REC114: variants seen among roughly 807,000 people sequenced by gnomAD.
The protein encoded by REC114 is REC114 meiotic recombination protein, also known as meiotic recombination protein REC114.
A neutral mutation model predicts 31.3 loss-of-function variants in REC114; 27 were observed. That is an observed-to-expected ratio of 0.86 (90% CI 0.64 to 1.19). The LOEUF (loss-of-function observed/expected upper bound fraction) is 1.19, where lower values mean the gene tolerates loss of function less well. Among genes scored for constraint, REC114 ranks in the 50% most tolerant of loss-of-function variants. The probability of loss-of-function intolerance (pLI) is 0.00; values close to 1 mark genes in which losing one functional copy is unlikely to be tolerated. For synonymous variants in REC114, 134 were observed against 127.7 expected, an observed-to-expected ratio of 1.05 and a Z score of -0.33; for missense variants, 344 against 326.9, an observed-to-expected ratio of 1.05 and a Z score of -0.40.
intron 2 of REC114, among the ~76,000 whole-genome samples, chr15:73,491,496 T>A (rs565473054): frequency 4.6e-5 from 7 of 152,336 alleles, no homozygotes; most frequent in African/African-American, 1.7e-4. Context: ...TTGTGTATTA[T>A]CTTAATTTCT....
intron 2 of REC114, among the ~76,000 whole-genome samples, chr15:73,531,115 T>C (rs1894075240): frequency 6.6e-6 from 1 of 152,220 alleles, no homozygotes; most frequent in Non-Finnish European, 1.5e-5. Flanking sequence ...CTAATTTACC[T>C]AGCTAAATGC....
intron 2 of REC114, among the ~76,000 whole-genome samples, chr15:73,500,944 T>C (rs938921045): frequency 6.6e-6 from 1 of 152,060 alleles, no homozygotes; most frequent in Non-Finnish European, 1.5e-5. Flanking sequence ...GTGTCAGGTG[T>C]CCCCATGGTC....
intron 1 of REC114, among the ~76,000 whole-genome samples, chr15:73,465,411 C>G (rs1893043584): frequency 6.6e-6 from 1 of 152,276 alleles, no homozygotes; most frequent in East Asian, 1.9e-4. Flanking sequence ...GAATTCTCCT[C>G]CCCCAGCTAC....
At chr15:73,479,300 T>G (rs943683662) in intron 2 of REC114, among the ~76,000 whole-genome samples, 1 of 149,782 alleles carries the variant, frequency 6.7e-6, no homozygotes, top group African/African-American at 2.4e-5. Context: ...TTTATCTATT[T>G]TTAAATAAAA....
chr15:73,460,510 G>A (rs147347829), intron 1 of REC114, among the ~76,000 whole-genome samples: 1 of 152,120 alleles, frequency 6.6e-6, no homozygotes, highest in East Asian at 1.9e-4. Flanking sequence ...ATAAAGTAAG[G>A]TGTTTCCTTA....
At chr15:73,494,334 A>G (rs191437378) in intron 2 of REC114, among the ~76,000 whole-genome samples, 8 of 152,060 alleles carry the variant, frequency 5.3e-5, no homozygotes, top group Admixed American at 5.2e-4. Flanking sequence ...TCTACTAATA[A>G]TACAAAAATT....
intron 2 of REC114, among the ~76,000 whole-genome samples, chr15:73,513,766 G>T (rs1411641874): frequency 6.6e-6 from 1 of 151,244 alleles, no homozygotes; most frequent in East Asian, 1.9e-4. Flanking sequence ...CGGGGGTCAG[G>T]GGTCAGGGAC....
At chr15:73,473,748 A>G in intron 1 of REC114, 84 bp from the exon 2 acceptor site, 1 of 738,644 alleles carries the variant, frequency 1.4e-6, no homozygotes, top group South Asian at 1.9e-5. Context: ...CAATATGAGA[A>G]AACACTTGGT....
chr15:73,450,785 C>T (rs180876925), intron 1 of REC114, among the ~76,000 whole-genome samples: 14 of 152,264 alleles, frequency 9.2e-5, no homozygotes, highest in Non-Finnish European at 1.9e-4. Context: ...AACAAACAAT[C>T]TCTCAGTCCA....
intron 2 of REC114, among the ~76,000 whole-genome samples, chr15:73,485,307 C>T (rs920654180): frequency 2.6e-5 from 4 of 152,176 alleles, no homozygotes; most frequent in Non-Finnish European, 4.4e-5. Flanking sequence ...TGGTCTCGAT[C>T]TCTTGACCTC....
At chr15:73,547,543 G>T (rs2141333747) in intron 3 of REC114, among the ~76,000 whole-genome samples, 1 of 152,274 alleles carries the variant, frequency 6.6e-6, no homozygotes, top group South Asian at 2.1e-4. Flanking sequence ...ACTACTGCTG[G>T]ATATGTACCC....
chr15:73,522,259 T>G (rs1160087874), intron 2 of REC114, among the ~76,000 whole-genome samples: 1 of 152,200 alleles, frequency 6.6e-6, no homozygotes, highest in African/African-American at 2.4e-5. Flanking sequence ...ACTACCTGCT[T>G]CTTTACTCAG....
intron 2 of REC114, among the ~76,000 whole-genome samples, chr15:73,533,514 C>T (rs1288524971): frequency 3.2e-4 from 48 of 151,646 alleles, no homozygotes; most frequent in Non-Finnish European, 4.9e-4. Context: ...GCACCCAATA[C>T]AGGAGCACCC....
intron 2 of REC114, among the ~76,000 whole-genome samples, chr15:73,515,058 C>A (rs1893839143): frequency 6.6e-6 from 1 of 151,812 alleles, no homozygotes; most frequent in Non-Finnish European, 1.5e-5. Context: ...TCCTGCCTCA[C>A]CTTACAGAGT....
intron 1 of REC114, among the ~76,000 whole-genome samples, chr15:73,453,542 A>G (rs1892879795): frequency 6.6e-6 from 1 of 152,208 alleles, no homozygotes; most frequent in South Asian, 2.1e-4. Flanking sequence ...TAGTTCAACC[A>G]TTGTGGAAGA....
chr15:73,467,463 C>T (rs961697702), intron 1 of REC114, among the ~76,000 whole-genome samples: 1 of 152,200 alleles, frequency 6.6e-6, no homozygotes, highest in Non-Finnish European at 1.5e-5. Context: ...TTCACACTTG[C>T]TCCATTAGGA....
At chr15:73,557,986 T>C (rs557685322) in intron 5 of REC114, among the ~76,000 whole-genome samples, 1 of 152,346 alleles carries the variant, frequency 6.6e-6, no homozygotes, top group East Asian at 1.9e-4. Context: ...AACATAAATG[T>C]TCATTTAATA....
At chr15:73,507,114 G>A (rs1249629229) in intron 2 of REC114, among the ~76,000 whole-genome samples, 2 of 152,116 alleles carry the variant, frequency 1.3e-5, no homozygotes, top group African/African-American at 4.8e-5. Flanking sequence ...TTCATTTCCT[G>A]TGTATATAAA....
chr15:73,525,942 A>G (rs11072422), intron 2 of REC114, among the ~76,000 whole-genome samples: 2,147 of 152,282 alleles, frequency 0.014, 27 homozygotes, highest in East Asian at 0.053. Flanking sequence ...GAGGTTTCCA[A>G]TTCTAATTGT....
Sources: allele counts gnomAD v4.1 joint callset (sites outside exome capture counted in the v4.1 genomes callset), GRCh38; gene constraint gnomAD v4.1.1; transcripts MANE v1.5; gene names NCBI Gene and HGNC (gene_info 2026-07-23, HGNC 2026-07-21).